Variants in FREM2 observed in about 807,000 individuals in gnomAD.
The protein encoded by FREM2 is FRAS1-related extracellular matrix protein 2.
Under a neutral mutation model 219.9 loss-of-function variants are expected in FREM2, and 119 were observed. The observed-to-expected ratio is 0.54, with a 90% CI of 0.47 to 0.63. The LOEUF (loss-of-function observed/expected upper bound fraction) is 0.63, where lower values mean the gene tolerates loss of function less well. Among genes scored for constraint, FREM2 ranks in the 30% least tolerant of loss-of-function variants. The pLI is 0.00. For missense variants in FREM2, 4,030 were observed against 3,993.6 expected (o/e 1.01, Z -0.25); for synonymous variants, 1,562 against 1,522.8 (o/e 1.03, Z -0.60).
At chr13:38,839,769 C>T (rs1876875474) in intron 6 of FREM2, among the ~76,000 whole-genome samples, 1 of 152,138 alleles carries the variant, frequency 6.6e-6, no homozygotes, top group Admixed American at 6.5e-5. Flanking sequence ...GGGAAAACCG[C>T]CTACTCAAGC....
chr13:38,883,909 TA>T lies in FREM2; in HGVS notation c.*3126del, dbSNP rs1258481717. ...AAAATGATTCAAACCAGTAACTTAG[TA>T]AAATTGACCTTCGCAAAACCTCACT... On this transcript the variant is annotated 3_prime_UTR_variant, in exon 24 of 24. Transcript: ENST00000280481. 6.6e-6 allele frequency: 1 copy of T among 152,212 alleles called. No homozygotes were observed. The highest frequency in any genetic ancestry group is 2.4e-5 in the African/African-American group (1 of 41,458). The allele number at this position is 152,212 out of a possible 1,614,324, so 9.4% of individuals were successfully genotyped here.
intron 2 of FREM2, among the ~76,000 whole-genome samples, chr13:38,732,810 T>C (rs1259940109): frequency 2.0e-5 from 3 of 152,210 alleles, no homozygotes; most frequent in African/African-American, 7.2e-5. Flanking sequence ...ATAGAGAATC[T>C]GTAGAGAACA....
intron 2 of FREM2, among the ~76,000 whole-genome samples, chr13:38,712,874 G>A (rs1870837494): frequency 6.6e-6 from 1 of 152,114 alleles, no homozygotes; most frequent in Non-Finnish European, 1.5e-5. Context: ...ATAGTAACAT[G>A]ATTGAGCATT....
In FREM2 at chr13:38,880,709, G is replaced by A. The variant is rs750283581; in HGVS notation, c.9432G>A (p.Lys3144=). ...MCRGKESFRG[K]DAPKGSSSSE... ...GGGGCAAGGAAAGTTTCAGGGGGAAGGATGCCCCGAAAGGCTCCAGCAGCA... is the reference window on the plus strand; with the variant it reads ...GGGGCAAGGAAAGTTTCAGGGGGAAAGATGCCCCGAAAGGCTCCAGCAGCA... The change falls in exon 24 of 24, where the codon AAG becomes AAA. Residue 3144 remains lysine, a synonymous_variant. Transcript: ENST00000280481. The A allele has an allele frequency of 1.4e-5, 23 of 1,614,186 alleles. No homozygotes were observed. The highest frequency in any genetic ancestry group is 1.9e-5 in the Non-Finnish European group (23 of 1,180,028).
intron 6 of FREM2, among the ~76,000 whole-genome samples, chr13:38,801,558 C>T (rs767909600): frequency 6.8e-4 from 103 of 152,134 alleles, no homozygotes; most frequent in Non-Finnish European, 1.1e-3. Context: ...GATTTAAGTG[C>T]ATGCAGTAGT....
intron 6 of FREM2, among the ~76,000 whole-genome samples, chr13:38,803,065 C>T (rs1288840683): frequency 1.3e-5 from 2 of 152,104 alleles, no homozygotes; most frequent in African/African-American, 2.4e-5. Flanking sequence ...TTTGCTATTT[C>T]GGTTTCTTTC....
Position 38,884,882 on chromosome 13 carries a change from A to G in FREM2, c.*4095A>G, listed in dbSNP as rs1878675344. 6.6e-6 allele frequency: 1 copy of G among 152,218 alleles called. No homozygotes were observed. Among genetic ancestry groups the G allele is most frequent in the South Asian group, 2.1e-4 (1 of 4,836 alleles). 9.4% of individuals were successfully genotyped at this position (152,218 alleles called of 1,614,324 possible). ...ATACGTTATATGAAGTTTTACAAAA[A>G]GGTCAACAGAAAGCTCATTTGTGAA... On this transcript the variant is annotated 3_prime_UTR_variant, in exon 24 of 24. Coordinates refer to ENST00000280481, the MANE Select transcript of FREM2 (RefSeq NM_207361.6).
chr13:38,710,933 A>G (rs557212488), intron 2 of FREM2, among the ~76,000 whole-genome samples: 1 of 152,370 alleles, frequency 6.6e-6, no homozygotes, highest in South Asian at 2.1e-4. Context: ...ACACACTTTT[A>G]TGGTGACATC....
In FREM2 at chr13:38,880,739, G is replaced by A. The variant is rs768309076; in HGVS notation, c.9462G>A (p.Glu3154=). The change falls in exon 24 of 24, where the codon GAG becomes GAA. Residue 3154 remains glutamate, a synonymous_variant. Transcript: ENST00000280481. ...CCCCGAAAGGCTCCAGCAGCAGTGAGCCCATGGTGCCCCCACAGAGCCATC... is the reference window on the plus strand; with the variant it reads ...CCCCGAAAGGCTCCAGCAGCAGTGAACCCATGGTGCCCCCACAGAGCCATC... The part of the protein sequence containing the change: ...KDAPKGSSSS[E]PMVPPQSHHN... 1 of 1,614,172 alleles carries A rather than the reference G, an allele frequency of 6.2e-7. No homozygotes were observed. Among genetic ancestry groups the A allele is most frequent in the South Asian group, 1.1e-5 (1 of 91,082 alleles).
intron 6 of FREM2, among the ~76,000 whole-genome samples, chr13:38,829,611 A>G (rs1186071807): frequency 2.0e-5 from 3 of 151,958 alleles, no homozygotes; most frequent in African/African-American, 7.2e-5. Context: ...GTAGTATGGA[A>G]ATGGAGACCT....
chr13:38,865,068 A>G (rs2137926273), intron 16 of FREM2, among the ~76,000 whole-genome samples: 1 of 152,098 alleles, frequency 6.6e-6, no homozygotes, highest in East Asian at 1.9e-4. Context: ...ACATTTTACA[A>G]AACTTTCTCT....
intron 3 of FREM2, among the ~76,000 whole-genome samples, chr13:38,767,114 C>T (rs554658033): frequency 1.3e-5 from 2 of 152,224 alleles, no homozygotes; most frequent in Non-Finnish European, 2.9e-5. Flanking sequence ...TGCTCTTAAT[C>T]ACTGCACCAT....
rs1292306653 is a variant in FREM2 at position 38,688,706 on chromosome 13, T to G, written c.1362T>G (p.Ser454=). 6.2e-7 allele frequency: 1 copy of G among 1,613,914 alleles called. No individual in the cohort carries two copies. The highest frequency in any genetic ancestry group is 1.3e-5 in the African/African-American group (1 of 74,918). The change falls in exon 1 of 24, where the codon TCT becomes TCG. Residue 454 remains serine (S), a synonymous_variant. Coordinates refer to ENST00000280481, the MANE Select transcript of FREM2 (RefSeq NM_207361.6). ...NTGLILYEGQ[S]RPLTGPAGSG... The stretch of plus-strand genomic sequence containing the variant: ...GTCTTATTCTCTATGAGGGTCAGTC[T>G]CGGCCCCTCACAGGCCCTGCAGGCA...
intron 2 of FREM2, among the ~76,000 whole-genome samples, chr13:38,716,349 G>A (rs913590115): frequency 1.3e-5 from 2 of 152,088 alleles, no homozygotes; most frequent in African/African-American, 4.8e-5. Flanking sequence ...GAATCAGCCT[G>A]CATCCAGCTT....
intron 2 of FREM2, among the ~76,000 whole-genome samples, chr13:38,708,059 T>G (rs529973481): frequency 6.6e-6 from 1 of 152,136 alleles, no homozygotes; most frequent in Non-Finnish European, 1.5e-5. Context: ...ACATTGAAGT[T>G]TATCTTAAAT....
chr13:38,734,873 T>C (rs1165968227), intron 2 of FREM2, among the ~76,000 whole-genome samples: 1 of 149,086 alleles, frequency 6.7e-6, no homozygotes, highest in African/African-American at 2.4e-5. Flanking sequence ...CAACCTCCCA[T>C]GTAGCTGGGA....
intron 8 of FREM2, among the ~76,000 whole-genome samples, chr13:38,849,374 A>G (rs1007987881): frequency 6.6e-6 from 1 of 152,144 alleles, no homozygotes; most frequent in East Asian, 1.9e-4. Flanking sequence ...AGTGTCAATA[A>G]TCTTTCTCCA....
intron 17 of FREM2, among the ~76,000 whole-genome samples, chr13:38,874,255 C>T (rs1411087165): frequency 1.3e-5 from 2 of 152,164 alleles, no homozygotes; most frequent in Non-Finnish European, 2.9e-5. Flanking sequence ...CTGTGTATTT[C>T]ATAGTGACTT....
At chr13:38,743,301 A>G (rs936135872) in intron 2 of FREM2, among the ~76,000 whole-genome samples, 17 of 151,518 alleles carry the variant, frequency 1.1e-4, no homozygotes, top group Admixed American at 1.1e-3. Flanking sequence ...ATAGCTATAT[A>G]GAGAGATATT....
Sources: allele counts gnomAD v4.1 joint callset (sites outside exome capture counted in the v4.1 genomes callset), GRCh38; gene constraint gnomAD v4.1.1; transcripts MANE v1.5; gene names NCBI Gene and HGNC (gene_info 2026-07-23, HGNC 2026-07-21).